The following HS3ST1 variants were observed in gnomAD, a reference collection of about 807,000 sequenced individuals.
HS3ST1 encodes the protein heparan sulfate-glucosamine 3-sulfotransferase 1, also known as heparan sulfate glucosamine 3-O-sulfotransferase 1.
In HS3ST1, 8 loss-of-function variants were observed where a neutral mutation model predicts 20.7. The observed-to-expected ratio is 0.39, with a 90% confidence interval of 0.23 to 0.70. The LOEUF (loss-of-function observed/expected upper bound fraction) is 0.70, where lower values mean the gene tolerates loss of function less well. HS3ST1 is among the 30% of genes least tolerant of loss of function. The pLI is 0.46. For synonymous variants in HS3ST1, 205 were observed against 190.4 expected (o/e 1.08, Z -0.63); for missense variants, 436 against 423.4 (o/e 1.03, Z -0.26).
intron 1 of HS3ST1, among the ~76,000 whole-genome samples, chr4:11,419,582 C>T (rs188363190): frequency 4.7e-4 from 71 of 151,982 alleles, no homozygotes; most frequent in Non-Finnish European, 8.2e-4. Context: ...CCATGGCACA[C>T]GTTTACCTAT....
chr4:11,412,763 G>T (rs1288059786), intron 1 of HS3ST1, among the ~76,000 whole-genome samples: 1 of 152,152 alleles, frequency 6.6e-6, no homozygotes, highest in African/African-American at 2.4e-5. Context: ...AATCTATGAA[G>T]AATGCTTAAC....
chr4:11,430,782 A>AGG (rs753771641), upstream of HS3ST1, among the ~76,000 whole-genome samples: 35 of 152,244 alleles, frequency 2.3e-4, no homozygotes, highest in Non-Finnish European at 4.7e-4. Context: ...TTCCATTTGC[A>AGG]GGAAATGACT....
chr4:11,400,909 G>A (rs1015263725), intron 1 of HS3ST1, among the ~76,000 whole-genome samples: 18 of 152,318 alleles, frequency 1.2e-4, no homozygotes, highest in African/African-American at 4.1e-4. Flanking sequence ...AGAAGAATAT[G>A]CCCTGGCTAG....
rs1718075188 is a variant in HS3ST1 at position 11,394,096 on chromosome 4, C to G, written c.*4986G>C. ...CTAAAGTCCCAAATGTTTTTAACCACTAAGTAACATATGCACTGGGTTTAT... is the reference window on the plus strand; with the variant it reads ...CTAAAGTCCCAAATGTTTTTAACCAGTAAGTAACATATGCACTGGGTTTAT... On this transcript the variant is annotated 3_prime_UTR_variant, in exon 2 of 2. Coordinates refer to ENST00000002596, the MANE Select transcript of HS3ST1 (RefSeq NM_005114.4). The G allele has an allele frequency of 6.6e-6, 1 of 152,240 alleles. No individual in the cohort carries two copies. The highest frequency in any genetic ancestry group is 2.4e-5 in the African/African-American group (1 of 41,472). 9.4% of individuals were successfully genotyped at this position (152,240 alleles called of 1,614,324 possible). A position where few individuals can be genotyped will look rare whatever the true frequency, so the allele number is the denominator to read the frequency against.
intron 1 of HS3ST1, among the ~76,000 whole-genome samples, chr4:11,427,689 G>T (rs950866807): frequency 4.6e-5 from 7 of 152,226 alleles, no homozygotes; most frequent in Non-Finnish European, 1.0e-4. Context: ...GAGTGTGCGA[G>T]GAATCGCTGG....
At chr4:11,432,277 G>A (rs1719220413), upstream of HS3ST1, among the ~76,000 whole-genome samples, 1 of 152,124 alleles carries the variant, frequency 6.6e-6, no homozygotes, top group Non-Finnish European at 1.5e-5. Context: ...CTAGTGGGCA[G>A]CCCTGTATAG....
In HS3ST1 at chr4:11,394,375, T is replaced by G. The variant is rs959243579; in HGVS notation, c.*4707A>C. On this transcript the variant is annotated 3_prime_UTR_variant, in exon 2 of 2. Transcript: ENST00000002596. ...AGGGATAACTAAAGCACCAAGGTCA[T>G]TTTCTACATCAAAACACTTTAGTGA... The G allele has an allele frequency of 6.6e-6, 1 of 152,212 alleles. No homozygotes were observed. The highest frequency in any genetic ancestry group is 1.5e-5 in the Non-Finnish European group (1 of 68,038). 9.4% of individuals were successfully genotyped at this position (152,212 alleles called of 1,614,324 possible).
intron 1 of HS3ST1, among the ~76,000 whole-genome samples, chr4:11,401,348 A>AT (rs57710102): frequency 0.49 from 69,414 of 141,736 alleles, 16,895 homozygotes; most frequent in South Asian, 0.61. Flanking sequence ...TGTCACCGCC[A>AT]TTTTTTTTTT....
At chr4:11,408,948 G>A (rs1718541490) in intron 1 of HS3ST1, among the ~76,000 whole-genome samples, 1 of 152,218 alleles carries the variant, frequency 6.6e-6, no homozygotes, top group Non-Finnish European at 1.5e-5. Context: ...CAGATGGTGA[G>A]TACCCACAAA....
At chr4:11,417,351 T>C (rs1718811748) in intron 1 of HS3ST1, among the ~76,000 whole-genome samples, 1 of 152,208 alleles carries the variant, frequency 6.6e-6, no homozygotes. Context: ...CTGCCAGGCA[T>C]TGGTTCAGAT....
intron 1 of HS3ST1, among the ~76,000 whole-genome samples, chr4:11,427,898 C>A (rs1465138170): frequency 6.6e-6 from 1 of 152,202 alleles, no homozygotes. Flanking sequence ...GGAGGAGCAG[C>A]GCGCCGTCCG....
In HS3ST1 at chr4:11,394,170, G is replaced by A. The variant is rs556197024; in HGVS notation, c.*4912C>T. On this transcript the variant is annotated 3_prime_UTR_variant, in exon 2 of 2. Transcript: ENST00000002596. ...TGAGTTGGAGTTTTCCCCCAACAGA[G>A]TACAGTACATATCTGCCCATTTTTA... 1.3e-5 allele frequency: 2 copies of A among 152,284 alleles called. No homozygotes were observed. Among genetic ancestry groups the A allele is most frequent in the African/African-American group, 4.8e-5 (2 of 41,572 alleles). 9.4% of individuals were successfully genotyped at this position (152,284 alleles called of 1,614,324 possible). A position where few individuals can be genotyped will look rare whatever the true frequency, so the allele number is the denominator to read the frequency against.
chr4:11,412,156 C>T (rs557954237), intron 1 of HS3ST1, among the ~76,000 whole-genome samples: 75 of 152,270 alleles, frequency 4.9e-4, no homozygotes, highest in Middle Eastern at 3.4e-3. Context: ...TCCACAAAGT[C>T]TTCTTTGCTC....
At position 11,398,411 on chromosome 4, in the gene HS3ST1, A is replaced by C. The variant is rs895484550; in HGVS notation, c.*671T>G. ...CTTTATTATAACTGCTGAGATCAGA[A>C]GCATGTGCAAATATTCTTTGAGGTC... On this transcript the variant is annotated 3_prime_UTR_variant, in exon 2 of 2. Transcript: ENST00000002596. The C allele has an allele frequency of 6.6e-6, 1 of 152,232 alleles. No individual in the cohort carries two copies. Among genetic ancestry groups the C allele is most frequent in the African/African-American group, 2.4e-5 (1 of 41,452 alleles). 9.4% of individuals were successfully genotyped at this position (152,232 alleles called of 1,614,324 possible).
At chr4:11,431,105 A>T (rs1719196445), upstream of HS3ST1, among the ~76,000 whole-genome samples, 1 of 152,088 alleles carries the variant, frequency 6.6e-6, no homozygotes, top group Non-Finnish European at 1.5e-5. Context: ...CTATTTAGGG[A>T]TCTGTCTTCT....
Position 11,399,123 on chromosome 4 carries a change from T to A in HS3ST1, c.883A>T (p.Lys295Ter). 6.2e-7 allele frequency: 1 copy of A among 1,613,852 alleles called. No individual in the cohort carries two copies. Among genetic ancestry groups the A allele is most frequent in the East Asian group, 2.2e-5 (1 of 44,876 alleles). Residue 295 changes from lysine (K) to a stop codon, truncating the protein, a stop_gained, in exon 2 of 2, where the codon AAG becomes TAG. Transcript: ENST00000002596. LOFTEE classifies it high-confidence loss of function. The surrounding 1 kb of genome is among the most constrained non-coding windows in gnomAD (Gnocchi z 5.1). ...GTTCTGCCAACAAGCTCGAAGAACT[T>A]CTTATTTGGCTCATGAAAATATTCG... ...LHEYFHEPNK[K>*]FFELVGRTFD...
chr4:11,432,876 T>C (rs972373658), upstream of HS3ST1, among the ~76,000 whole-genome samples: 4 of 152,160 alleles, frequency 2.6e-5, no homozygotes, highest in Non-Finnish European at 4.4e-5. Context: ...TCCCCAACCA[T>C]CCCGTCCCAA....
At chr4:11,431,891 T>C (rs914759180), upstream of HS3ST1, among the ~76,000 whole-genome samples, 3 of 152,166 alleles carry the variant, frequency 2.0e-5, no homozygotes, top group African/African-American at 7.2e-5. Flanking sequence ...CAAGGTGACA[T>C]ACTAATAAGT....
At chr4:11,426,040 G>T (rs1029975252) in intron 1 of HS3ST1, among the ~76,000 whole-genome samples, 1 of 152,160 alleles carries the variant, frequency 6.6e-6, no homozygotes, top group Non-Finnish European at 1.5e-5. Context: ...TGCAACAACT[G>T]TCTCTAACAC....
Sources: allele counts gnomAD v4.1 joint callset (sites outside exome capture counted in the v4.1 genomes callset), GRCh38; gene constraint gnomAD v4.1.1; non-coding constraint Gnocchi (gnomAD v3.1); transcripts MANE v1.5; gene names NCBI Gene and HGNC (gene_info 2026-07-23, HGNC 2026-07-21).